Variants in HECTD3 observed in about 807,000 individuals in gnomAD.
HECTD3 encodes HECT domain E3 ubiquitin protein ligase 3.
In HECTD3, 72 loss-of-function variants were observed where a neutral mutation model predicts 109.3. The observed-to-expected ratio is 0.66, with a 90% CI of 0.54 to 0.80. HECTD3 has a LOEUF of 0.80. Among genes scored for constraint, HECTD3 ranks in the 30% least tolerant of loss-of-function variants. The probability of loss-of-function intolerance (pLI) is 0.00; values close to 1 mark genes in which losing one functional copy is unlikely to be tolerated. For synonymous variants in HECTD3, 481 were observed against 471.8 expected (o/e 1.02, Z -0.25); for missense variants, 1,041 against 1,165.2 (o/e 0.89, Z 1.55).
At position 45,003,049 on chromosome 1, in the gene HECTD3, TGCTTGGGGAG is replaced by T. The variant is rs1404370219; in HGVS notation, c.*433_*442del. 1 of 175,406 alleles carries T rather than the reference TGCTTGGGGAG, an allele frequency of 5.7e-6. No individual in the cohort carries two copies. The highest frequency in any genetic ancestry group is 1.2e-5 in the Non-Finnish European group (1 of 80,246). The allele number at this position is 175,406 out of a possible 1,614,324, so 10.9% of individuals were successfully genotyped here. On this transcript the variant is annotated 3_prime_UTR_variant, in exon 21 of 21. Transcript: ENST00000372172. The surrounding 1 kb of genome is among the most constrained non-coding windows in gnomAD (Gnocchi z 4.7). ...CACTCCCTGCCCATCCCAGGCTCCCTGCTTGGGGAGGGGCCTCCACTAACCTCCAGTGTTT... is the reference window on the plus strand; with the variant it reads ...CACTCCCTGCCCATCCCAGGCTCCCTGGGCCTCCACTAACCTCCAGTGTTT...
chr1:45,003,635 C>G lies in HECTD3; in HGVS notation c.2501+34G>C. ...TCGCTACCAGGGGTGATGGGGTCCCCTGGGCCCCAAATCGAGCCTAGGAAA... is the reference window on the plus strand; with the variant it reads ...TCGCTACCAGGGGTGATGGGGTCCCGTGGGCCCCAAATCGAGCCTAGGAAA... On this transcript the variant is annotated intron_variant, in intron 20 of 20. Coordinates refer to ENST00000372172, the MANE Select transcript of HECTD3 (RefSeq NM_024602.6). This position sits in a 1 kb window ranked among gnomAD's most constrained non-coding sequence, Gnocchi z 4.7. 4 of 1,612,856 alleles carry G rather than the reference C, an allele frequency of 2.5e-6. No homozygotes were observed. The highest frequency in any genetic ancestry group is 3.4e-6 in the Non-Finnish European group (4 of 1,178,810).
rs1463828353 is a variant in HECTD3, at chr1:45,008,672, C to A, written c.1102G>T (p.Val368Phe). 6.8e-6 allele frequency: 11 copies of A among 1,613,678 alleles called. No individual in the cohort carries two copies. The highest frequency in any genetic ancestry group is 7.6e-6 in the Non-Finnish European group (9 of 1,179,968). Residue 368 changes from valine (V) to phenylalanine (F), a missense_variant, in exon 8 of 21, where the codon GTC becomes TTC. This residue lies in a region of HECTD3 where 569 missense variants were observed against 715.3 expected (regional missense o/e 0.80). Transcript: ENST00000372172. The stretch of plus-strand genomic sequence containing the variant: ...CGCTGTCTAGATGACTTGATCTTGA[C>A]CCCTCGGAGACGAACATCAATCCCA... ...DDGIDVRLRGVKIKSSRQREL... is the reference protein window; with the variant it reads ...DDGIDVRLRGFKIKSSRQREL...
chr1:45,009,231 G>A lies in HECTD3; in HGVS notation c.990-5C>T, dbSNP rs1490443682. On this transcript the variant is annotated splice_region_variant and splice_polypyrimidine_tract_variant and intron_variant, in intron 6 of 20. Coordinates refer to ENST00000372172, the MANE Select transcript of HECTD3 (RefSeq NM_024602.6). ...CAGACATCCCCGATGAGGGTCCTGA[G>A]GAGATGAGTGTGAAGCACTTCAGAT... 6.2e-7 allele frequency: 1 copy of A among 1,611,684 alleles called. No homozygotes were observed. Among genetic ancestry groups the A allele is most frequent in the Non-Finnish European group, 8.5e-7 (1 of 1,177,882 alleles).
In HECTD3 at chr1:45,003,758, C is replaced by A; in HGVS notation, c.2430-18G>T. ...TCTCGTAGCTGGGGGCATTGAGGGA[C>A]CATAGGTCAGGAAGATGTGTTGGGG... On this transcript the variant is annotated intron_variant, in intron 19 of 20. Transcript: ENST00000372172. This position sits in a 1 kb window ranked among gnomAD's most constrained non-coding sequence, Gnocchi z 4.7. 6.2e-7 allele frequency: 1 copy of A among 1,613,790 alleles called. No individual in the cohort carries two copies. Among genetic ancestry groups the A allele is most frequent in the Non-Finnish European group, 8.5e-7 (1 of 1,179,840 alleles).
At chr1:45,008,795 G>A (rs2148978404) in intron 7 of HECTD3, 94 bp from the exon 8 acceptor site, 4 of 1,210,704 alleles carry the variant, frequency 3.3e-6, no homozygotes, top group South Asian at 1.3e-5. Context: ...TCAGCCTTGT[G>A]TCACCGTTAG....
At position 45,006,586 on chromosome 1, in the gene HECTD3, G is replaced by A; in HGVS notation, c.1725+106C>T. 5 of 919,592 alleles carry A rather than the reference G, an allele frequency of 5.4e-6. No individual in the cohort carries two copies. The highest frequency in any genetic ancestry group is 8.3e-6 in the Non-Finnish European group (5 of 600,584). The allele number at this position is 919,592 out of a possible 1,614,324, so 57.0% of individuals were successfully genotyped here. A position where few individuals can be genotyped will look rare whatever the true frequency, so the allele number is the denominator to read the frequency against. ...CAAAGTGCTGGGATTACAGGCGTGA[G>A]CCACTGTGCCTGCCCCCTTTCTAGC... On this transcript the variant is annotated intron_variant, in intron 13 of 20. Transcript: ENST00000372172. This position sits in a 1 kb window ranked among gnomAD's most constrained non-coding sequence, Gnocchi z 4.7.
intron 16 of HECTD3, 92 bp from the exon 17 acceptor site, chr1:45,004,469 A>G: frequency 1.2e-6 from 2 of 1,602,750 alleles, no homozygotes. Context: ...AGCAGCAGAA[A>G]GGTGGCACTG....
intron 15 of HECTD3, 124 bp from the exon 16 acceptor site, chr1:45,004,930 G>A (rs538195973): frequency 5.1e-5 from 41 of 806,414 alleles, no homozygotes; most frequent in South Asian, 3.7e-4. Flanking sequence ...AGGCAGCAGG[G>A]AATGAGGGTG....
intron 16 of HECTD3, 69 bp downstream of exon 16, chr1:45,004,531 T>C: frequency 1.9e-6 from 3 of 1,600,606 alleles, no homozygotes; most frequent in Non-Finnish European, 2.6e-6. Flanking sequence ...ACAGGCTGTG[T>C]TCTGGGTCCC....
chr1:45,009,925 G>T, intron 4 of HECTD3, 61 bp downstream of exon 4: 1 of 1,511,984 alleles, frequency 6.6e-7, no homozygotes, highest in Non-Finnish European at 8.8e-7. Flanking sequence ...GTTCTTTCTG[G>T]ATCTAGCCTT....
chr1:45,003,691 G>A lies in HECTD3; in HGVS notation c.2479C>T (p.Leu827Phe). The change falls in exon 20 of 21, where the codon CTC becomes TTC. Residue 827 changes from leucine to phenylalanine, a missense_variant. Around this residue, in one of 2 missense-constraint regions of HECTD3, gnomAD observed 569 missense variants for 715.3 expected, o/e 0.80. Transcript: ENST00000372172. This position sits in a 1 kb window ranked among gnomAD's most constrained non-coding sequence, Gnocchi z 4.7. ...LPESSTCSST[L>F]FLPHYASAKV... Reference sequence around the variant, plus strand: ...CACCTGGCATAGTGTGGCAGGAAGAGGGTGCTGGAGCAAGTGGAAGACTCG... The same window carrying A: ...CACCTGGCATAGTGTGGCAGGAAGAAGGTGCTGGAGCAAGTGGAAGACTCG... 2 of 1,614,156 alleles carry A rather than the reference G, an allele frequency of 1.2e-6. No individual in the cohort carries two copies. The highest frequency in any genetic ancestry group is 1.7e-6 in the Non-Finnish European group (2 of 1,180,020).
Position 45,011,322 on chromosome 1 carries a change from G to C in HECTD3, c.-65C>G. On this transcript the variant is annotated 5_prime_UTR_variant, in exon 1 of 21. Coordinates refer to ENST00000372172, the MANE Select transcript of HECTD3 (RefSeq NM_024602.6). Reference sequence around the variant, plus strand: ...CCGGGGAACAGCTGGCGCGACCGCGGACAGAGCTTCCCACCACGCCCTTCC... The same window carrying C: ...CCGGGGAACAGCTGGCGCGACCGCGCACAGAGCTTCCCACCACGCCCTTCC... 2.2e-6 allele frequency: 3 copies of C among 1,348,664 alleles called. No homozygotes were observed. Among genetic ancestry groups the C allele is most frequent in the Non-Finnish European group, 2.8e-6 (3 of 1,054,974 alleles). 83.5% of individuals were successfully genotyped at this position (1,348,664 alleles called of 1,614,324 possible). A position where few individuals can be genotyped will look rare whatever the true frequency, so the allele number is the denominator to read the frequency against.
intron 15 of HECTD3, chr1:45,005,393 G>A (rs1644726695): frequency 5.0e-6 from 1 of 201,578 alleles, no homozygotes; most frequent in Non-Finnish European, 1.0e-5. Flanking sequence ...ACAGATTACA[G>A]AGGAAGACTT....
At position 45,010,213 on chromosome 1, in the gene HECTD3, A is replaced by C; in HGVS notation, c.611T>G (p.Val204Gly). Residue 204 changes from valine (V) to glycine (G), a missense_variant, in exon 3 of 21, where the codon GTA (valine) becomes GGA (glycine). By Grantham distance (109) the Val-to-Gly change is moderately radical (BLOSUM62 -3). Coordinates refer to ENST00000372172, the MANE Select transcript of HECTD3 (RefSeq NM_024602.6). ...CCAGCTCACTCACAGTAGCCTTTGTACAGCTTCTGCGTATGCCTCTGCCGG... is the reference window on the plus strand; with the variant it reads ...CCAGCTCACTCACAGTAGCCTTTGTCCAGCTTCTGCGTATGCCTCTGCCGG... ...PQPAEAYAEA[V>G]QRLLYVPPTW... is the part of the protein sequence containing the mutation. 1 of 1,613,842 alleles carries C rather than the reference A, an allele frequency of 6.2e-7. No homozygotes were observed. Among genetic ancestry groups the C allele is most frequent in the Non-Finnish European group, 8.5e-7 (1 of 1,179,958 alleles).
In HECTD3 at chr1:45,009,118, T is replaced by G. The variant is rs1006564975; in HGVS notation, c.1072+26A>C. ...CCCCATCTCCACGCCGGGCTCTCTT[T>G]CCCTCCTTATAGCCTTAAACCTCAC... On this transcript the variant is annotated intron_variant, in intron 7 of 20. Transcript: ENST00000372172. 1.9e-6 allele frequency: 3 copies of G among 1,594,212 alleles called. No individual in the cohort carries two copies. The African/African-American group carries it at 4.0e-5, about 21-fold the overall frequency.
chr1:45,008,116 C>A lies in HECTD3; in HGVS notation c.1320+124G>T. On this transcript the variant is annotated intron_variant, in intron 9 of 20. Transcript: ENST00000372172. ...TGGACCATTTGTTCTGGCTTTCTTC[C>A]TATGTTCCCAGACCCAGCAAAGGTC... 9.7e-6 allele frequency: 7 copies of A among 718,676 alleles called. No homozygotes were observed. In the East Asian group the frequency reaches 1.6e-4, roughly 16 times the overall value. 44.5% of individuals were successfully genotyped at this position (718,676 alleles called of 1,614,324 possible).
chr1:45,010,161 G>A, intron 3 of HECTD3, 40 bp from the exon 4 acceptor site: 1 of 1,613,842 alleles, frequency 6.2e-7, no homozygotes, highest in Non-Finnish European at 8.5e-7. Context: ...GGGCCCAGAC[G>A]CAGAGCTCCT....
At chr1:45,007,191 G>C in intron 11 of HECTD3, 28 bp downstream of exon 11, 1 of 1,598,800 alleles carries the variant, frequency 6.3e-7, no homozygotes, top group Non-Finnish European at 8.6e-7. Flanking sequence ...CAGGTGTCCC[G>C]AGTAAGTCCC....
rs1220689522 is a variant in HECTD3 at position 45,008,327 on chromosome 1, A to G, written c.1239-6T>C. 6.2e-7 allele frequency: 1 copy of G among 1,611,398 alleles called. No individual in the cohort carries two copies. The highest frequency in any genetic ancestry group is 8.5e-7 in the Non-Finnish European group (1 of 1,177,540). Reference sequence around the variant, plus strand: ...TATCGAGGATCTTGATGAATCTGGCATGGGTAGATAGACTGCAGCTAAAGA... The same window carrying G: ...TATCGAGGATCTTGATGAATCTGGCGTGGGTAGATAGACTGCAGCTAAAGA... On this transcript the variant is annotated splice_region_variant and splice_polypyrimidine_tract_variant and intron_variant, in intron 8 of 20. Coordinates refer to ENST00000372172, the MANE Select transcript of HECTD3 (RefSeq NM_024602.6).
Sources: gnomAD v4.1 joint callset for allele counts on GRCh38, gnomAD v4.1.1 for gene constraint, gnomAD v4.1.1 regional missense constraint, Gnocchi (gnomAD v3.1) non-coding constraint, MANE v1.5 for transcripts, NCBI Gene and HGNC (gene_info 2026-07-23, HGNC 2026-07-21) for gene names.